The following MRAS variants were observed in gnomAD, a reference collection of about 807,000 sequenced individuals.
The protein encoded by MRAS is muscle RAS oncogene homolog, also known as ras-related protein M-Ras.
A neutral mutation model predicts 20.9 loss-of-function variants in MRAS; 4 were observed. That is an observed-to-expected ratio of 0.19 (90% confidence interval 0.09 to 0.44). MRAS has a LOEUF of 0.44. Among genes scored for constraint, MRAS ranks in the 20% least tolerant of loss-of-function variants. The pLI is 0.99. For synonymous variants in MRAS, 98 were observed against 102.9 expected, an observed-to-expected ratio of 0.95 and a Z score of 0.29; for missense variants, 154 against 277.5, an observed-to-expected ratio of 0.56 and a Z score of 3.16.
chr3:138,390,236 G>A (rs2055103963), intron 2 of MRAS, among the ~76,000 whole-genome samples: 1 of 152,086 alleles, frequency 6.6e-6, no homozygotes, highest in South Asian at 2.1e-4. Context: ...ATCTGAAATC[G>A]ATAAGCTCCC....
At chr3:138,400,241 AAC>A (rs1362132800) in intron 4 of MRAS, 4 of 303,546 alleles carry the variant, frequency 1.3e-5, no homozygotes, top group Non-Finnish European at 2.4e-5. Flanking sequence ...TGATAAATGA[AAC>A]AGTCTTTCAT....
chr3:138,365,000 G>A (rs891148314), intron 1 of MRAS, among the ~76,000 whole-genome samples: 2 of 152,198 alleles, frequency 1.3e-5, no homozygotes, highest in African/African-American at 4.8e-5. Context: ...CCAGCCCCTA[G>A]CCAGCAGAGG....
chr3:138,371,497 T>C (rs1442753866), intron 1 of MRAS, among the ~76,000 whole-genome samples: 2 of 152,174 alleles, frequency 1.3e-5, no homozygotes, highest in Non-Finnish European at 2.9e-5. Context: ...GGGCACCCAG[T>C]TCTTTGTCCT....
intron 1 of MRAS, among the ~76,000 whole-genome samples, chr3:138,368,120 G>T (rs2054600468): frequency 6.6e-6 from 1 of 152,310 alleles, no homozygotes; most frequent in Middle Eastern, 3.4e-3. Flanking sequence ...CGTGGATGGG[G>T]CTGCCTGGAA....
In MRAS at chr3:138,401,061, A is replaced by C. The variant is rs182425154; in HGVS notation, c.527+448A>C. Among the ~76,000 whole-genome samples, 141 of 152,310 alleles carry C rather than the reference A, an allele frequency of 9.3e-4. 2 individuals carry two copies. ...AAGGTTCAAATTTCAGAGGCATTGC[A>C]CATGTATCTCCTTTCCCAACCCCAC... is the stretch of plus-strand genomic sequence containing the variant. On this transcript the variant is annotated intron_variant, in intron 5 of 5. Coordinates refer to ENST00000423968, the MANE Select transcript of MRAS (RefSeq NM_001085049.3).
chr3:138,348,246 G>C (rs1281094367), upstream of MRAS: 1 of 152,274 alleles, frequency 6.6e-6, no homozygotes, highest in Non-Finnish European at 1.5e-5. Flanking sequence ...GGAGCGCAGA[G>C]GCTCTTAAAG....
At chr3:138,401,850 A>G (rs1285222695) in intron 5 of MRAS, among the ~76,000 whole-genome samples, 1 of 152,266 alleles carries the variant, frequency 6.6e-6, no homozygotes. Context: ...AGCACTCTAT[A>G]AGACAAAACG....
chr3:138,379,519 G>A (rs1202927333), intron 2 of MRAS, among the ~76,000 whole-genome samples: 1 of 151,866 alleles, frequency 6.6e-6, no homozygotes, highest in East Asian at 1.9e-4. Flanking sequence ...CAACACGCTC[G>A]GCTAATTTTT....
intron 2 of MRAS, among the ~76,000 whole-genome samples, chr3:138,391,396 T>C (rs959936432): frequency 3.3e-5 from 5 of 152,210 alleles, no homozygotes; most frequent in African/African-American, 1.2e-4. Flanking sequence ...CTAGATTCTC[T>C]TATACTCTTG....
intron 1 of MRAS, among the ~76,000 whole-genome samples, chr3:138,368,276 G>T (rs1161452311): frequency 6.6e-6 from 1 of 152,222 alleles, no homozygotes; most frequent in Admixed American, 6.5e-5. Flanking sequence ...GAGAGTGTGT[G>T]TGTGTGTGAG....
chr3:138,388,364 G>C (rs138046015), intron 2 of MRAS, among the ~76,000 whole-genome samples: 59 of 152,180 alleles, frequency 3.9e-4, no homozygotes, highest in African/African-American at 1.4e-3. Context: ...AATCATTCCT[G>C]CCTCCCATGA....
intron 2 of MRAS, among the ~76,000 whole-genome samples, chr3:138,389,092 G>A (rs187383826): frequency 1.4e-3 from 217 of 151,936 alleles, no homozygotes; most frequent in African/African-American, 4.9e-3. Context: ...CGCCCTCCTC[G>A]GCCTCCCAAA....
chr3:138,396,224 TG>T (rs1327618410), intron 2 of MRAS, among the ~76,000 whole-genome samples: 5 of 152,226 alleles, frequency 3.3e-5, no homozygotes, highest in Non-Finnish European at 5.9e-5. Flanking sequence ...TGCCAGGCAC[TG>T]CACTGAGGGC....
In MRAS at chr3:138,403,877, G is replaced by A. The variant is rs2055406524; in HGVS notation, c.*1608G>A. ...ACCCAAGGAAAGTGAGCACCCAACT[G>A]GATGCCAAGACACCCGGGTTCTGAA... On this transcript the variant is annotated 3_prime_UTR_variant, in exon 6 of 6. Coordinates refer to ENST00000423968, the MANE Select transcript of MRAS (RefSeq NM_001085049.3). 1 of 152,264 alleles carries A rather than the reference G, an allele frequency of 6.6e-6. No individual in the cohort carries two copies. Among genetic ancestry groups the A allele is most frequent in the Admixed American group, 6.5e-5 (1 of 15,286 alleles). 9.4% of individuals were successfully genotyped at this position (152,264 alleles called of 1,614,324 possible).
chr3:138,353,636 T>C (rs1219717289), intron 1 of MRAS, among the ~76,000 whole-genome samples: 1 of 152,230 alleles, frequency 6.6e-6, no homozygotes, highest in Non-Finnish European at 1.5e-5. Flanking sequence ...ACAGCCCCTC[T>C]GTATGTCCGT....
intron 2 of MRAS, among the ~76,000 whole-genome samples, 168 bp from the exon 3 acceptor site, chr3:138,397,156 C>G (rs2055253707): frequency 6.6e-6 from 1 of 152,176 alleles, no homozygotes. Context: ...GGAGCTTCAG[C>G]TGGGACCCTT....
At chr3:138,390,535 A>C (rs2055111265) in intron 2 of MRAS, among the ~76,000 whole-genome samples, 1 of 152,180 alleles carries the variant, frequency 6.6e-6, no homozygotes, top group Non-Finnish European at 1.5e-5. Context: ...TACCTTCATG[A>C]CATCAGGCAT....
At chr3:138,351,849 G>A (rs1183215877) in intron 1 of MRAS, among the ~76,000 whole-genome samples, 2 of 152,144 alleles carry the variant, frequency 1.3e-5, no homozygotes, top group Non-Finnish European at 2.9e-5. Context: ...AGAAGCCCAG[G>A]GAACGTTGAT....
intron 2 of MRAS, among the ~76,000 whole-genome samples, chr3:138,377,204 A>G (rs2054801151): frequency 6.6e-6 from 1 of 152,246 alleles, no homozygotes. Flanking sequence ...TAATTCTGCC[A>G]CCAGAGTCAG....
Sources: gnomAD v4.1 joint callset for allele counts (sites outside exome capture counted in the v4.1 genomes callset) on GRCh38, gnomAD v4.1.1 for gene constraint, MANE v1.5 for transcripts, NCBI Gene and HGNC (gene_info 2026-07-23, HGNC 2026-07-21) for gene names.